DISC1: variants seen among roughly 807,000 people sequenced by gnomAD.
DISC1 encodes the protein disrupted in schizophrenia 1 protein.
A neutral mutation model predicts 84.5 loss-of-function variants in DISC1; 57 were observed. The observed-to-expected ratio is 0.67, with a 90% confidence interval of 0.55 to 0.84. The LOEUF is 0.84. Ranked by LOEUF, DISC1 falls within the 40% of genes least tolerant of loss-of-function variation. The probability of loss-of-function intolerance (pLI) is 0.00; values close to 1 mark genes in which losing one functional copy is unlikely to be tolerated. For missense variants in DISC1, 1,000 were observed against 1,057.8 expected (o/e 0.95, Z 0.76); for synonymous variants, 411 against 415.2 (o/e 0.99, Z 0.12).
chr1:231,985,575 G>A (rs1015810393), intron 10 of DISC1, among the ~76,000 whole-genome samples: 5 of 152,166 alleles, frequency 3.3e-5, no homozygotes, highest in East Asian at 1.9e-4. Flanking sequence ...GTGTGTATGC[G>A]TGTGGGTACA....
In DISC1 at chr1:231,657,863, C is replaced by T. The variant is rs529893697; in HGVS notation, c.67+30929C>T. 4.0e-4 allele frequency among the ~76,000 whole-genome samples: 61 copies of T among 152,186 alleles called. No individual in the cohort carries two copies. The South Asian group carries it at 0.013, about 32-fold the overall frequency. On this transcript the variant is annotated intron_variant, in intron 1 of 12. Coordinates refer to ENST00000439617, the MANE Select transcript of DISC1 (RefSeq NM_018662.3). ...ATGTGTCTGTTCCTGTACCAATACC[C>T]TGCTGTTTTGGTTACTGTAGCCTTG...
At position 231,641,439 on chromosome 1, in the gene DISC1, G is replaced by C. The variant is rs535403357; in HGVS notation, c.67+14505G>C. On this transcript the variant is annotated intron_variant, in intron 1 of 12. Transcript: ENST00000439617. ...TTCCTCCTTGTAGGTTCGTGGTCTC[G>C]TTGGCTTCAGGAGTGAAGCTGCAGA... Among the ~76,000 whole-genome samples, 6 of 152,142 alleles carry C rather than the reference G, an allele frequency of 3.9e-5. No individual in the cohort carries two copies. The South Asian group carries it at 1.0e-3, about 26-fold the overall frequency.
chr1:232,006,087 C>T (rs1667401835), intron 10 of DISC1, among the ~76,000 whole-genome samples: 1 of 152,164 alleles, frequency 6.6e-6, no homozygotes, highest in Non-Finnish European at 1.5e-5. Context: ...TTATCTTCTA[C>T]CACTGAGGCT....
chr1:231,803,730 C>T (rs922920392), intron 8 of DISC1, among the ~76,000 whole-genome samples: 2 of 151,926 alleles, frequency 1.3e-5, no homozygotes, highest in Admixed American at 6.6e-5. Flanking sequence ...GGGTGGATCA[C>T]GAGGTCAGGA....
At chr1:232,032,954 A>G (rs1393696322) in intron 12 of DISC1, among the ~76,000 whole-genome samples, 1 of 152,224 alleles carries the variant, frequency 6.6e-6, no homozygotes, top group Non-Finnish European at 1.5e-5. Flanking sequence ...GCTTAGATGT[A>G]TCAAATGAGA....
At chr1:231,787,546 A>T (rs761309961) in intron 6 of DISC1, among the ~76,000 whole-genome samples, 49 of 152,176 alleles carry the variant, frequency 3.2e-4, no homozygotes, top group Non-Finnish European at 6.9e-4. Flanking sequence ...TTCATTCATG[A>T]GGGCAGATTC....
At chr1:231,899,213 G>GA (rs2126022794) in intron 9 of DISC1, among the ~76,000 whole-genome samples, 1 of 152,310 alleles carries the variant, frequency 6.6e-6, no homozygotes. Flanking sequence ...CTCTGGGACA[G>GA]TAGCTGTCAC....
intron 9 of DISC1, among the ~76,000 whole-genome samples, chr1:231,887,277 C>T (rs1207403555): frequency 6.6e-6 from 1 of 152,178 alleles, no homozygotes; most frequent in Non-Finnish European, 1.5e-5. Context: ...ATGGACCAGC[C>T]ATGTCTTCAA....
At chr1:231,998,292 G>T (rs1666216831) in intron 10 of DISC1, among the ~76,000 whole-genome samples, 1 of 152,016 alleles carries the variant, frequency 6.6e-6, no homozygotes, top group South Asian at 2.1e-4. Context: ...CATATAAAAA[G>T]AATCCCAGAA....
chr1:231,981,207 G>A (rs1663553065), intron 10 of DISC1, among the ~76,000 whole-genome samples: 1 of 152,208 alleles, frequency 6.6e-6, no homozygotes. Flanking sequence ...GCCTCCCAAA[G>A]TGTTGGGATT....
chr1:231,800,096 C>G lies in DISC1; in HGVS notation c.1690-12C>G. ...AATAAATGATGATTCCTGGTCATTT[C>G]TCTCCCCCTAGGTGTGTATGAGTGA... On this transcript the variant is annotated splice_polypyrimidine_tract_variant and intron_variant, in intron 7 of 12. Coordinates refer to ENST00000439617, the MANE Select transcript of DISC1 (RefSeq NM_018662.3). 1 of 1,598,080 alleles carries G rather than the reference C, an allele frequency of 6.3e-7. No individual in the cohort carries two copies. Among genetic ancestry groups the G allele is most frequent in the Non-Finnish European group, 8.6e-7 (1 of 1,168,072 alleles).
intron 9 of DISC1, among the ~76,000 whole-genome samples, chr1:231,838,118 A>G (rs1184867563): frequency 6.6e-6 from 1 of 152,230 alleles, no homozygotes; most frequent in Non-Finnish European, 1.5e-5. Flanking sequence ...TTGGGAGAAT[A>G]CTGGAGAAGA....
At position 231,961,237 on chromosome 1, in the gene DISC1, C is replaced by T. The variant is rs73099059; in HGVS notation, c.2042+2349C>T. ...ACAAATAGACTGAGTGGGAAAACCC[C>T]ACAGGGCCTGTGTGTTCAGATTCCC... On this transcript the variant is annotated intron_variant, in intron 10 of 12. Transcript: ENST00000439617. Among the ~76,000 whole-genome samples, 1,176 of 152,304 alleles carry T rather than the reference C, an allele frequency of 7.7e-3. 21 individuals are homozygous for T. The highest frequency in any genetic ancestry group is 0.027 in the African/African-American group (1,114 of 41,580).
In DISC1 at chr1:231,923,313, A is replaced by C. The variant is rs535066875; in HGVS notation, c.1982-35515A>C. On this transcript the variant is annotated intron_variant, in intron 9 of 12. Coordinates refer to ENST00000439617, the MANE Select transcript of DISC1 (RefSeq NM_018662.3). ...AAAACAAAACAAAAAAAACCAAAAA[A>C]AAAAACAAAAAGAAAAAGAAATCCG... 2.8e-3 allele frequency among the ~76,000 whole-genome samples: 423 copies of C among 151,294 alleles called. 7 individuals are homozygous for C. Among genetic ancestry groups the C allele is most frequent in the African/African-American group, 9.3e-3 (384 of 41,362 alleles).
chr1:231,845,758 G>T (rs201646308), intron 9 of DISC1, among the ~76,000 whole-genome samples: 1 of 152,148 alleles, frequency 6.6e-6, no homozygotes, highest in African/African-American at 2.4e-5. Flanking sequence ...AGGTTGAGGG[G>T]TGGGTGGCTG....
At chr1:231,991,907 A>G (rs1399385786) in intron 10 of DISC1, among the ~76,000 whole-genome samples, 1 of 152,170 alleles carries the variant, frequency 6.6e-6, no homozygotes, top group Non-Finnish European at 1.5e-5. Flanking sequence ...GAATCATAAC[A>G]GAATTTTGTT....
In DISC1 at chr1:231,693,924, T is replaced by A. The variant is rs1240963636; in HGVS notation, c.166T>A (p.Phe56Ile). The change falls in exon 2 of 13, where the codon TTC (phenylalanine) becomes ATC (isoleucine). Residue 56 changes from phenylalanine to isoleucine, a missense_variant. Coordinates refer to ENST00000439617, the MANE Select transcript of DISC1 (RefSeq NM_018662.3). ...MRSSTGPGIG[F>I]LSPAVGTLFR... ...AAGCTCGACAGGGCCTGGGATCGGG[T>A]TCCTTTCCCCAGCAGTGGGCACACT... The A allele has an allele frequency of 6.2e-7, 1 of 1,614,012 alleles. No homozygotes were observed. Among genetic ancestry groups the A allele is most frequent in the South Asian group, 1.1e-5 (1 of 91,062 alleles).
intron 9 of DISC1, among the ~76,000 whole-genome samples, chr1:231,934,144 G>C (rs2090838692): frequency 6.6e-6 from 1 of 152,164 alleles, no homozygotes; most frequent in Admixed American, 6.5e-5. Flanking sequence ...ATCCAGGCAG[G>C]AAAAGGGGGG....
intron 1 of DISC1, among the ~76,000 whole-genome samples, chr1:231,645,921 A>T (rs1572454331): frequency 6.6e-6 from 1 of 150,940 alleles, no homozygotes; most frequent in African/African-American, 2.4e-5. Flanking sequence ...TTTAGAGATA[A>T]CAATACTCAC....
Sources: gnomAD v4.1 joint callset for allele counts (sites outside exome capture counted in the v4.1 genomes callset) on GRCh38, gnomAD v4.1.1 for gene constraint, MANE v1.5 for transcripts, NCBI Gene and HGNC (gene_info 2026-07-23, HGNC 2026-07-21) for gene names.